TSNARE1: variants seen among roughly 807,000 people sequenced by gnomAD.
TSNARE1 encodes the protein t-SNARE domain-containing protein 1.
Under a neutral mutation model 62.0 loss-of-function variants are expected in TSNARE1, and 49 were observed. That is an observed-to-expected ratio of 0.79 (90% CI 0.63 to 1.00). TSNARE1 has a LOEUF of 1.00. TSNARE1 is among the 50% of genes least tolerant of loss of function. The probability of loss-of-function intolerance (pLI) is 0.00; values close to 1 mark genes in which losing one functional copy is unlikely to be tolerated. For synonymous variants in TSNARE1, 328 were observed against 294.4 expected (o/e 1.11, Z -1.17); for missense variants, 755 against 700.1 (o/e 1.08, Z -0.88).
intron 13 of TSNARE1, among the ~76,000 whole-genome samples, chr8:142,220,772 C>T (rs1461263815): frequency 3.3e-5 from 5 of 152,348 alleles, no homozygotes; most frequent in African/African-American, 1.2e-4. Flanking sequence ...GTGCAGCCCA[C>T]CAGGTCTCAG....
intron 1 of TSNARE1, among the ~76,000 whole-genome samples, chr8:142,363,641 G>A (rs1240488233): frequency 3.3e-5 from 5 of 152,152 alleles, no homozygotes; most frequent in African/African-American, 1.2e-4. Context: ...CTGAGGGCCA[G>A]ACAGACACCA....
intron 13 of TSNARE1, among the ~76,000 whole-genome samples, chr8:142,216,770 C>A (rs563102454): frequency 1.1e-4 from 17 of 152,332 alleles, no homozygotes; most frequent in African/African-American, 3.6e-4. Flanking sequence ...GTAAAATGGG[C>A]AGATACTTGG....
intron 2 of TSNARE1, among the ~76,000 whole-genome samples, chr8:142,351,804 G>A (rs1834124179): frequency 6.6e-6 from 1 of 152,218 alleles, no homozygotes; most frequent in African/African-American, 2.4e-5. Flanking sequence ...AGCTGTCACT[G>A]CAGGTCTACA....
intron 12 of TSNARE1, among the ~76,000 whole-genome samples, chr8:142,233,733 C>A (rs1203379334): frequency 3.3e-5 from 5 of 152,206 alleles, no homozygotes; most frequent in Admixed American, 3.3e-4. Context: ...AGGCGGCTTG[C>A]TCCCTGCAGG....
At chr8:142,310,577 T>C (rs1052896491) in intron 9 of TSNARE1, among the ~76,000 whole-genome samples, 1 of 152,216 alleles carries the variant, frequency 6.6e-6, no homozygotes, top group Non-Finnish European at 1.5e-5. Flanking sequence ...TTCACCTTTA[T>C]TTCTGAAGCA....
intron 11 of TSNARE1, chr8:142,275,934 A>G: frequency 8.1e-6 from 8 of 983,900 alleles, no homozygotes; most frequent in Non-Finnish European, 9.7e-6. Flanking sequence ...CCCTACTCTC[A>G]TCAGGGAACT....
chr8:142,235,772 G>A (rs377439088), intron 12 of TSNARE1, among the ~76,000 whole-genome samples: 3 of 152,196 alleles, frequency 2.0e-5, no homozygotes, highest in Non-Finnish European at 4.4e-5. Context: ...AGCACATGGC[G>A]TTGGGTCCAC....
At chr8:142,400,619 A>T (rs1838216762) in intron 1 of TSNARE1, among the ~76,000 whole-genome samples, 1 of 152,208 alleles carries the variant, frequency 6.6e-6, no homozygotes, top group Non-Finnish European at 1.5e-5. Flanking sequence ...AGGCACCTGT[A>T]GTCCCAGCTA....
intron 6 of TSNARE1, among the ~76,000 whole-genome samples, chr8:142,320,341 C>G (rs1829294087): frequency 6.6e-6 from 1 of 152,158 alleles, no homozygotes; most frequent in African/African-American, 2.4e-5. Flanking sequence ...CCTCCCCACA[C>G]CACCCTCCTG....
intron 12 of TSNARE1, among the ~76,000 whole-genome samples, chr8:142,240,149 A>G (rs1817613991): frequency 6.6e-6 from 1 of 152,254 alleles, no homozygotes; most frequent in East Asian, 1.9e-4. Flanking sequence ...AATGAAAAAT[A>G]ACAGGAAAAT....
chr8:142,360,334 G>T (rs1020567534), intron 1 of TSNARE1, among the ~76,000 whole-genome samples: 1 of 152,172 alleles, frequency 6.6e-6, no homozygotes, highest in Non-Finnish European at 1.5e-5. Flanking sequence ...AGGGCAGAGC[G>T]GGCACTGGCT....
chr8:142,219,287 A>G (rs1816090959), intron 13 of TSNARE1, among the ~76,000 whole-genome samples: 1 of 152,146 alleles, frequency 6.6e-6, no homozygotes, highest in South Asian at 2.1e-4. Flanking sequence ...AAGGAGAAGG[A>G]AAGCTTAGGG....
At chr8:142,399,315 G>A (rs1231545273) in intron 1 of TSNARE1, among the ~76,000 whole-genome samples, 5 of 152,314 alleles carry the variant, frequency 3.3e-5, no homozygotes, top group Middle Eastern at 6.8e-3. Context: ...CACGTCTTCA[G>A]CAAATCCCCA....
At chr8:142,277,929 G>A (rs1820770958) in intron 11 of TSNARE1, 2 of 985,166 alleles carry the variant, frequency 2.0e-6, no homozygotes, top group South Asian at 9.4e-5. Flanking sequence ...CACACCACAT[G>A]TCTATCCTTG....
intron 10 of TSNARE1, among the ~76,000 whole-genome samples, chr8:142,299,899 TTAAAG>T: frequency 6.6e-6 from 1 of 152,242 alleles, no homozygotes; most frequent in East Asian, 1.9e-4. Context: ...TGTGTAAACT[TTAAAG>T]AAATGAAAAA....
chr8:142,275,386 G>T, intron 11 of TSNARE1: 1 of 985,432 alleles, frequency 1.0e-6, no homozygotes, highest in Non-Finnish European at 1.2e-6. Flanking sequence ...GTGCTGCCGT[G>T]CGGGGATCAC....
chr8:142,364,783 G>A (rs1835413579), intron 1 of TSNARE1, among the ~76,000 whole-genome samples: 1 of 152,092 alleles, frequency 6.6e-6, no homozygotes, highest in Admixed American at 6.5e-5. Flanking sequence ...ATAATGATAA[G>A]AATTGTGTAA....
At chr8:142,343,586 G>T (rs1160819382) in intron 4 of TSNARE1, among the ~76,000 whole-genome samples, 2 of 151,654 alleles carry the variant, frequency 1.3e-5, no homozygotes, top group African/African-American at 4.9e-5. Flanking sequence ...TGAGGGACAG[G>T]CCAAGTCAAA....
chr8:142,298,914 C>T (rs985154232), intron 10 of TSNARE1, among the ~76,000 whole-genome samples: 1 of 152,186 alleles, frequency 6.6e-6, no homozygotes, highest in African/African-American at 2.4e-5. Flanking sequence ...CAGTGGGCCT[C>T]GTGCACCAGC....
Sources: allele counts gnomAD v4.1 joint callset (sites outside exome capture counted in the v4.1 genomes callset), GRCh38; gene constraint gnomAD v4.1.1; transcripts MANE v1.5; gene names NCBI Gene and HGNC (gene_info 2026-07-23, HGNC 2026-07-21).